OTUD7B: variants seen among roughly 807,000 people sequenced by gnomAD.
OTUD7B encodes OTU domain-containing protein 7B.
In OTUD7B, 34 loss-of-function variants were observed where a neutral mutation model predicts 82.2. That is an observed-to-expected ratio of 0.41 (90% CI 0.31 to 0.55). OTUD7B has a LOEUF of 0.55. Among genes scored for constraint, OTUD7B ranks in the 20% least tolerant of loss-of-function variants. The pLI is 0.20. For missense variants in OTUD7B, 944 were observed against 1,062.1 expected (o/e 0.89, Z 1.55); for synonymous variants, 398 against 402.7 (o/e 0.99, Z 0.14).
the OTUD7B span, among the ~76,000 whole-genome samples, chr1:150,033,991 A>G: frequency 2.0e-5 from 3 of 152,118 alleles, no homozygotes; most frequent in African/African-American, 7.2e-5. Context: ...AAGTGCTGGG[A>G]TTACAGGCGT....
chr1:149,996,072 A>G (rs1651903454), intron 1 of OTUD7B, among the ~76,000 whole-genome samples: 1 of 152,258 alleles, frequency 6.6e-6, no homozygotes, highest in Admixed American at 6.5e-5. Context: ...TCCAACTCGC[A>G]TGACCACATT....
chr1:150,009,236 T>C (rs1652863726), intron 1 of OTUD7B, among the ~76,000 whole-genome samples: 2 of 152,204 alleles, frequency 1.3e-5, no homozygotes, highest in South Asian at 2.1e-4. Context: ...TCTCATTTAG[T>C]AGGAAGAAAA....
chr1:150,045,187 G>T, the OTUD7B span, among the ~76,000 whole-genome samples: 1 of 151,470 alleles, frequency 6.6e-6, no homozygotes, highest in Non-Finnish European at 1.5e-5. Context: ...CGCCTTCCAG[G>T]TTCAAGCGAT....
At chr1:150,065,994 C>T in the OTUD7B span, among the ~76,000 whole-genome samples, 1 of 152,092 alleles carries the variant, frequency 6.6e-6, no homozygotes, top group Non-Finnish European at 1.5e-5. Flanking sequence ...AAGTATAAAT[C>T]ATCAAAAGGA....
chr1:150,039,378 A>T, the OTUD7B span, among the ~76,000 whole-genome samples: 1 of 57,522 alleles, frequency 1.7e-5, no homozygotes, highest in African/African-American at 4.5e-5. Context: ...TTCATTTATT[A>T]AAAAAAAAAT....
chr1:150,018,607 C>A, the OTUD7B span, among the ~76,000 whole-genome samples: 2 of 152,158 alleles, frequency 1.3e-5, no homozygotes, highest in East Asian at 3.8e-4. Context: ...TAAGCACCCA[C>A]TATGTGTAAA....
intron 1 of OTUD7B, among the ~76,000 whole-genome samples, chr1:150,008,182 C>T (rs936804453): frequency 6.6e-6 from 1 of 152,184 alleles, no homozygotes; most frequent in Non-Finnish European, 1.5e-5. Context: ...TCTTCAACCC[C>T]TTTGATCCCC....
the OTUD7B span, among the ~76,000 whole-genome samples, chr1:150,022,757 T>C: frequency 4.8e-3 from 732 of 152,324 alleles, 6 homozygotes; most frequent in African/African-American, 0.017. Flanking sequence ...TTACTTTTAT[T>C]TAACTCTTTA....
chr1:150,040,970 A>G, the OTUD7B span, among the ~76,000 whole-genome samples: 3 of 152,092 alleles, frequency 2.0e-5, no homozygotes, highest in African/African-American at 7.2e-5. Flanking sequence ...TCGGCCTCCC[A>G]AAGTGCTGGG....
the OTUD7B span, among the ~76,000 whole-genome samples, chr1:150,065,566 C>T: frequency 4.6e-5 from 7 of 152,156 alleles, no homozygotes; most frequent in East Asian, 1.4e-3. Context: ...TTTACTTATA[C>T]CCTAAATTAA....
chr1:150,059,048 C>CTTTTTTTTTTTTTTTTTTTTTTTT, the OTUD7B span, among the ~76,000 whole-genome samples: 1 of 140,996 alleles, frequency 7.1e-6, no homozygotes, highest in African/African-American at 2.7e-5. Flanking sequence ...TTCTTACTTT[C>CTTTTTTTTTTTTTTTTTTTTTTTT]TTTTCTTTTT....
At chr1:150,024,179 T>A in the OTUD7B span, among the ~76,000 whole-genome samples, 2 of 152,232 alleles carry the variant, frequency 1.3e-5, no homozygotes, top group Non-Finnish European at 2.9e-5. Context: ...ATCTAGTTCC[T>A]CCTTAGCTTT....
intron 1 of OTUD7B, among the ~76,000 whole-genome samples, chr1:150,003,978 T>G (rs186239256): frequency 6.6e-6 from 1 of 152,166 alleles, no homozygotes; most frequent in Non-Finnish European, 1.5e-5. Context: ...TGAGGAAAGC[T>G]TCCTAACTTC....
intron 10 of OTUD7B, among the ~76,000 whole-genome samples, chr1:149,948,125 A>G (rs1004890625): frequency 3.9e-5 from 6 of 151,926 alleles, no homozygotes; most frequent in South Asian, 2.1e-4. Flanking sequence ...GATTATAGAC[A>G]TGCACCACCA....
chr1:150,048,714 G>T, the OTUD7B span, among the ~76,000 whole-genome samples: 2 of 152,016 alleles, frequency 1.3e-5, no homozygotes, highest in South Asian at 4.2e-4. Context: ...ACTACTTCCA[G>T]AAATTAAACA....
At chr1:150,058,982 A>G in the OTUD7B span, among the ~76,000 whole-genome samples, 1 of 151,810 alleles carries the variant, frequency 6.6e-6, no homozygotes, top group Non-Finnish European at 1.5e-5. Flanking sequence ...TATATTATGT[A>G]TTAGACATTT....
intron 1 of OTUD7B, among the ~76,000 whole-genome samples, chr1:149,998,283 T>C (rs1319675056): frequency 6.6e-6 from 1 of 152,202 alleles, no homozygotes; most frequent in Non-Finnish European, 1.5e-5. Flanking sequence ...ACCACAAGGC[T>C]GAATCAGTTT....
At chr1:149,960,236 C>T (rs1649043106) in intron 6 of OTUD7B, among the ~76,000 whole-genome samples, 1 of 151,932 alleles carries the variant, frequency 6.6e-6, no homozygotes, top group African/African-American at 2.4e-5. Flanking sequence ...TCTGTCTGCC[C>T]CCAAAATACT....
chr1:149,982,009 C>T (rs1285550914), intron 1 of OTUD7B, among the ~76,000 whole-genome samples: 10 of 151,960 alleles, frequency 6.6e-5, no homozygotes, highest in Non-Finnish European at 1.5e-4. Flanking sequence ...ATTAGCCGGG[C>T]GTGGTGGCGG....
Sources: gnomAD v4.1 joint callset for allele counts (sites outside exome capture counted in the v4.1 genomes callset) on GRCh38, gnomAD v4.1.1 for gene constraint, MANE v1.5 for transcripts, NCBI Gene and HGNC (gene_info 2026-07-23, HGNC 2026-07-21) for gene names.